ATF7: variants seen among roughly 807,000 people sequenced by gnomAD.
ATF7 encodes activating transcription factor 7.
In ATF7, 10 loss-of-function variants were observed where a neutral mutation model predicts 50.4. The ratio of observed to expected loss-of-function variants is 0.20; its 90% CI spans 0.12 to 0.34. ATF7 has a LOEUF of 0.34. Among genes scored for constraint, ATF7 ranks in the 10% least tolerant of loss-of-function variants. The probability of loss-of-function intolerance (pLI) is 1.00; values close to 1 mark genes in which losing one functional copy is unlikely to be tolerated. For missense variants in ATF7, 465 were observed against 613.9 expected (o/e 0.76, Z 2.56); for synonymous variants, 201 against 226.4 (o/e 0.89, Z 1.01).
downstream of ATF7, among the ~76,000 whole-genome samples, chr12:53,510,771 T>G (rs1371466913): frequency 1.3e-5 from 2 of 152,242 alleles, no homozygotes; most frequent in African/African-American, 4.8e-5. Context: ...GTGTCCAGGA[T>G]GGAGGTAACT....
Position 53,533,165 on chromosome 12 carries a change from T to C in ATF7, c.655A>G (p.Ile219Val). 1.2e-6 allele frequency: 2 copies of C among 1,611,510 alleles called. No homozygotes were observed. Among genetic ancestry groups the C allele is most frequent in the Non-Finnish European group, 1.7e-6 (2 of 1,177,754 alleles). ...PGPPVQMPSV[I>V]SLARPVSMVP... ...GCCCCAACTACAGAGCTCACCGATA[T>C]AACAGACGGCATCTGTACTGGAGGC... Residue 219 changes from isoleucine to valine, a missense_variant, in exon 7 of 12, where the codon ATA becomes GTA. Ile to Val is a conservative substitution (Grantham distance 29). Transcript: ENST00000420353.
chr12:53,587,844 T>TATATATATATA (rs1491300296), intron 2 of ATF7, among the ~76,000 whole-genome samples: 803 of 40,324 alleles, frequency 0.02, 4 homozygotes, highest in South Asian at 0.051. Context: ...TATATATATA[T>TATATATATATA]TTTTTTTTTT....
chr12:53,611,074 T>C (rs894470468), intron 1 of ATF7, among the ~76,000 whole-genome samples: 1 of 152,072 alleles, frequency 6.6e-6, no homozygotes, highest in African/African-American at 2.4e-5. Context: ...GCGATCCTCC[T>C]GCCTTGGCCT....
At chr12:53,542,105 C>CTTTTTTTTTTTT (rs1565935478) in intron 4 of ATF7, among the ~76,000 whole-genome samples, 5 of 81,894 alleles carry the variant, frequency 6.1e-5, no homozygotes, top group African/African-American at 9.0e-5. Flanking sequence ...TGCGCCTGGC[C>CTTTTTTTTTTTT]TGTTTTTTTT....
At chr12:53,509,314 C>T (rs956291959), downstream of ATF7, among the ~76,000 whole-genome samples, 5 of 152,140 alleles carry the variant, frequency 3.3e-5, no homozygotes, top group African/African-American at 1.2e-4. Context: ...GTGCCCCAGT[C>T]GGGGAACTTA....
chr12:53,565,792 C>T (rs1941415663), intron 2 of ATF7, among the ~76,000 whole-genome samples: 1 of 151,992 alleles, frequency 6.6e-6, no homozygotes, highest in South Asian at 2.1e-4. Flanking sequence ...TGTGCCTGGC[C>T]CCCTTCTCTT....
intron 2 of ATF7, among the ~76,000 whole-genome samples, chr12:53,555,211 C>T (rs1160045081): frequency 1.3e-5 from 2 of 151,490 alleles, no homozygotes; most frequent in African/African-American, 2.4e-5. Flanking sequence ...CCTAGCTACT[C>T]GGGGGGCTGG....
chr12:53,520,747 T>G (rs1411024923), intron 11 of ATF7, among the ~76,000 whole-genome samples: 1 of 152,180 alleles, frequency 6.6e-6, no homozygotes, highest in Non-Finnish European at 1.5e-5. Context: ...CTATCTCAAT[T>G]AATGACAACT....
chr12:53,581,423 C>G (rs1179609723), intron 2 of ATF7, among the ~76,000 whole-genome samples: 2 of 152,124 alleles, frequency 1.3e-5, no homozygotes, highest in African/African-American at 4.8e-5. Context: ...GGAACATTTA[C>G]CAAGACTGAC....
chr12:53,585,445 A>T (rs1247697220), intron 2 of ATF7, among the ~76,000 whole-genome samples: 1 of 152,112 alleles, frequency 6.6e-6, no homozygotes, highest in Admixed American at 6.6e-5. Context: ...TGAGGACAGG[A>T]GGTATATGAG....
intron 11 of ATF7, among the ~76,000 whole-genome samples, chr12:53,521,476 T>G (rs2137326503): frequency 6.6e-6 from 1 of 152,324 alleles, no homozygotes; most frequent in African/African-American, 2.4e-5. Flanking sequence ...ATGTACCAGG[T>G]ACCTTGCGAC....
At chr12:53,582,618 G>A (rs991921567) in intron 2 of ATF7, among the ~76,000 whole-genome samples, 38 of 152,112 alleles carry the variant, frequency 2.5e-4, no homozygotes, top group African/African-American at 8.4e-4. Context: ...TCGTTCTGTC[G>A]CCCAGGCTGG....
At chr12:53,621,408 G>A (rs943336040) in intron 1 of ATF7, among the ~76,000 whole-genome samples, 1 of 152,098 alleles carries the variant, frequency 6.6e-6, no homozygotes, top group Non-Finnish European at 1.5e-5. Flanking sequence ...TGGTCAAGAG[G>A]TGAAATGACA....
intron 2 of ATF7, among the ~76,000 whole-genome samples, chr12:53,579,083 A>G (rs1167850354): frequency 6.6e-6 from 1 of 151,656 alleles, no homozygotes; most frequent in Non-Finnish European, 1.5e-5. Context: ...TCTCTACTAA[A>G]AAAATACAAA....
chr12:53,526,813 T>G (rs763347888), intron 9 of ATF7, among the ~76,000 whole-genome samples: 2 of 152,054 alleles, frequency 1.3e-5, no homozygotes, highest in Non-Finnish European at 2.9e-5. Flanking sequence ...ATTGCACCAC[T>G]CTACTCCAGC....
At chr12:53,533,795 CAAAT>C (rs1939045533) in intron 6 of ATF7, among the ~76,000 whole-genome samples, 2 of 152,102 alleles carry the variant, frequency 1.3e-5, no homozygotes, top group African/African-American at 4.8e-5. Context: ...GACAAACAGA[CAAAT>C]AAAATTAGAG....
intron 1 of ATF7, among the ~76,000 whole-genome samples, chr12:53,622,884 T>C (rs1944453957): frequency 6.6e-6 from 1 of 152,132 alleles, no homozygotes; most frequent in South Asian, 2.1e-4. Context: ...GGAGGACTGC[T>C]TGAGGCCAAG....
chr12:53,560,083 C>T (rs147824300), intron 2 of ATF7, among the ~76,000 whole-genome samples: 1,682 of 152,046 alleles, frequency 0.011, 73 homozygotes, highest in Admixed American at 0.072. Context: ...CCACCACACC[C>T]GGCTAATTTT....
At chr12:53,581,117 A>C (rs1178306697) in intron 2 of ATF7, among the ~76,000 whole-genome samples, 1 of 152,026 alleles carries the variant, frequency 6.6e-6, no homozygotes, top group South Asian at 2.1e-4. Flanking sequence ...ATCTCAAAAA[A>C]AAAAATAAAT....
Sources: allele counts gnomAD v4.1 joint callset (sites outside exome capture counted in the v4.1 genomes callset), GRCh38; gene constraint gnomAD v4.1.1; transcripts MANE v1.5; gene names NCBI Gene and HGNC (gene_info 2026-07-23, HGNC 2026-07-21).